LRRC20: variants seen among roughly 807,000 people sequenced by gnomAD.
The protein encoded by LRRC20 is leucine rich repeat containing 20.
Under a neutral mutation model 14.4 loss-of-function variants are expected in LRRC20, and 11 were observed. The ratio of observed to expected loss-of-function variants is 0.77; its 90% CI spans 0.48 to 1.27. The LOEUF (loss-of-function observed/expected upper bound fraction) is 1.27. Among genes scored for constraint, LRRC20 ranks in the 50% most tolerant of loss-of-function variants. LRRC20 has a pLI of 0.00. For synonymous variants in LRRC20, 121 were observed against 107.3 expected (o/e 1.13, Z -0.79); for missense variants, 219 against 251.2 (o/e 0.87, Z 0.87).
chr10:70,378,812 C>T (rs530474674), intron 1 of LRRC20, among the ~76,000 whole-genome samples: 70 of 146,804 alleles, frequency 4.8e-4, no homozygotes, highest in African/African-American at 1.7e-3. Flanking sequence ...CAGGCATGGT[C>T]GCACATGCCT....
At chr10:70,349,177 G>A (rs969800016) in intron 2 of LRRC20, among the ~76,000 whole-genome samples, 5 of 152,256 alleles carry the variant, frequency 3.3e-5, no homozygotes, top group Admixed American at 1.3e-4. Context: ...GCTCCTGGGT[G>A]AGGACGTGAG....
At chr10:70,362,196 A>G (rs1843754106) in intron 2 of LRRC20, among the ~76,000 whole-genome samples, 1 of 152,206 alleles carries the variant, frequency 6.6e-6, no homozygotes, top group African/African-American at 2.4e-5. Context: ...AGAAAAAAAG[A>G]AGCATTTAGG....
At chr10:70,346,693 A>G (rs181883055) in intron 2 of LRRC20, among the ~76,000 whole-genome samples, 2 of 152,352 alleles carry the variant, frequency 1.3e-5, no homozygotes, top group East Asian at 3.9e-4. Flanking sequence ...AAGACAATAG[A>G]AAGAAAAATA....
In LRRC20 at chr10:70,300,209, G is replaced by A. The variant is rs1841118085; in HGVS notation, c.*1145C>T. The A allele has an allele frequency of 7.8e-6, 2 of 256,892 alleles. No individual in the cohort carries two copies. Among genetic ancestry groups the A allele is most frequent in the Admixed American group, 6.5e-5 (1 of 15,404 alleles). 15.9% of individuals were successfully genotyped at this position (256,892 alleles called of 1,614,324 possible). On this transcript the variant is annotated 3_prime_UTR_variant, in exon 5 of 5. Transcript: ENST00000446961. ...AGCAGTCAAGGTTCTTCAAGCCACA[G>A]GCGTTCTCGGGAAGCAAGAGCCCCA...
At chr10:70,328,287 GTTT>G (rs1160483391) in intron 3 of LRRC20, among the ~76,000 whole-genome samples, 4 of 31,634 alleles carry the variant, frequency 1.3e-4, no homozygotes, top group Admixed American at 2.7e-4. Flanking sequence ...GGTAATCTTT[GTTT>G]TTTGTTTTTT....
intron 4 of LRRC20, among the ~76,000 whole-genome samples, chr10:70,312,368 G>A (rs186708606): frequency 3.0e-3 from 421 of 141,322 alleles, no homozygotes; most frequent in African/African-American, 9.6e-3. Context: ...AGAAGGCTCC[G>A]GAGCCACACA....
At chr10:70,372,314 TTTCC>T (rs1844306482) in intron 2 of LRRC20, among the ~76,000 whole-genome samples, 2 of 152,180 alleles carry the variant, frequency 1.3e-5, no homozygotes, top group Admixed American at 1.3e-4. Flanking sequence ...ATATTGGTTA[TTTCC>T]TTCCATTTTC....
At chr10:70,339,522 C>G (rs1392479824) in intron 3 of LRRC20, among the ~76,000 whole-genome samples, 1 of 151,644 alleles carries the variant, frequency 6.6e-6, no homozygotes, top group African/African-American at 2.4e-5. Flanking sequence ...TGGGATGAAG[C>G]AGGATCTGCC....
At chr10:70,342,400 G>A (rs1433893148) in intron 2 of LRRC20, among the ~76,000 whole-genome samples, 5 of 152,040 alleles carry the variant, frequency 3.3e-5, no homozygotes, top group Non-Finnish European at 7.4e-5. Context: ...TTAAGTGGAT[G>A]AATTGTGTGG....
chr10:70,365,871 C>T (rs1340612350), intron 2 of LRRC20, among the ~76,000 whole-genome samples: 1 of 151,556 alleles, frequency 6.6e-6, no homozygotes. Context: ...GAGATCGAGA[C>T]CATCCTGGCT....
In LRRC20 at chr10:70,301,362, G is replaced by T. The variant is rs149973737; in HGVS notation, c.547C>A (p.Leu183Ile). Residue 183 changes from leucine to isoleucine, a missense_variant, in exon 5 of 5, where the codon CTA (leucine) becomes ATA (isoleucine). Leu to Ile is a conservative substitution (Grantham distance 5). Transcript: ENST00000446961. ...LMSPEGARAP[L>I]P ...GGCATGAGGAGGGTGGCCTAAGGTAGGGGGGCTCTTGCGCCTTCCGGAGAC... is the reference window on the plus strand; with the variant it reads ...GGCATGAGGAGGGTGGCCTAAGGTATGGGGGCTCTTGCGCCTTCCGGAGAC... The T allele has an allele frequency of 1.7e-4, 272 of 1,612,428 alleles. 1 individual carries two copies. In the East Asian group the frequency reaches 6.0e-3, roughly 35 times the overall value.
chr10:70,322,294 G>A (rs1191099817), intron 4 of LRRC20, among the ~76,000 whole-genome samples: 3 of 152,188 alleles, frequency 2.0e-5, no homozygotes, highest in Non-Finnish European at 4.4e-5. Context: ...CTGTCTACCC[G>A]CTGCACACCC....
intron 4 of LRRC20, among the ~76,000 whole-genome samples, chr10:70,317,683 G>A (rs536446768): frequency 4.6e-5 from 7 of 152,320 alleles, no homozygotes; most frequent in African/African-American, 1.4e-4. Flanking sequence ...CCAGTCAGGC[G>A]TCTCCCTCTC....
chr10:70,367,484 A>G (rs1303076437), intron 2 of LRRC20, among the ~76,000 whole-genome samples: 1 of 152,238 alleles, frequency 6.6e-6, no homozygotes, highest in African/African-American at 2.4e-5. Context: ...TAAACGGATC[A>G]TGGAACACCC....
At chr10:70,308,589 T>G (rs367863103) in intron 4 of LRRC20, among the ~76,000 whole-genome samples, 1 of 151,100 alleles carries the variant, frequency 6.6e-6, no homozygotes, top group Non-Finnish European at 1.5e-5. Context: ...ATAAGAAGAC[T>G]GGCTATAGGG....
chr10:70,299,495 G>A lies in LRRC20; in HGVS notation c.*1859C>T, dbSNP rs1179667688. 2.6e-5 allele frequency: 4 copies of A among 152,264 alleles called. No homozygotes were observed. The highest frequency in any genetic ancestry group is 5.9e-5 in the Non-Finnish European group (4 of 68,106). 9.4% of individuals were successfully genotyped at this position (152,264 alleles called of 1,614,324 possible). The stretch of plus-strand genomic sequence containing the variant: ...TAAAATGCAGGGTCTGAGTCGGGAG[G>A]TATAGGGTGAGGCCTAGACTCTGCA... On this transcript the variant is annotated 3_prime_UTR_variant, in exon 5 of 5. Coordinates refer to ENST00000446961, the MANE Select transcript of LRRC20 (RefSeq NM_001278212.2).
rs1487479206 is a variant in LRRC20, at chr10:70,376,594, A to G, written c.-61T>C. On this transcript the variant is annotated splice_region_variant and 5_prime_UTR_variant, in exon 2 of 5. Coordinates refer to ENST00000446961, the MANE Select transcript of LRRC20 (RefSeq NM_001278212.2). ...GGTCTGCTTCTCACAAAAGGGCCTG[A>G]GCCTGGGGAAGACGCAGTGCCATGA... 14 of 1,532,348 alleles carry G rather than the reference A, an allele frequency of 9.1e-6. No homozygotes were observed. Among genetic ancestry groups the G allele is most frequent in the Non-Finnish European group, 1.2e-5 (13 of 1,113,892 alleles). 94.9% of individuals were successfully genotyped at this position (1,532,348 alleles called of 1,614,324 possible).
intron 2 of LRRC20, among the ~76,000 whole-genome samples, chr10:70,362,795 G>A (rs766379559): frequency 2.0e-5 from 3 of 152,198 alleles, no homozygotes; most frequent in African/African-American, 4.8e-5. Context: ...TTACAACTGG[G>A]GGTGGAGTGA....
intron 2 of LRRC20, among the ~76,000 whole-genome samples, chr10:70,350,370 T>A (rs114416375): frequency 0.017 from 2,519 of 152,322 alleles, 91 homozygotes; most frequent in African/African-American, 0.058. Context: ...AAACTGCATG[T>A]CCCCAAACTT....
Sources: allele counts gnomAD v4.1 joint callset (sites outside exome capture counted in the v4.1 genomes callset), GRCh38; gene constraint gnomAD v4.1.1; transcripts MANE v1.5; gene names NCBI Gene and HGNC (gene_info 2026-07-23, HGNC 2026-07-21).